KCNQ5: variants seen among roughly 807,000 people sequenced by gnomAD.
KCNQ5 encodes potassium voltage-gated channel subfamily KQT member 5.
Under a neutral mutation model 98.2 loss-of-function variants are expected in KCNQ5, and 30 were observed. That is an observed-to-expected ratio of 0.31 (90% CI 0.23 to 0.41). The LOEUF (loss-of-function observed/expected upper bound fraction) is 0.41. Ranked by LOEUF, KCNQ5 falls within the 10% of genes least tolerant of loss-of-function variation. The pLI is 1.00. For missense variants in KCNQ5, 835 were observed against 1,182.5 expected, an observed-to-expected ratio of 0.71 and a Z score of 4.31; for synonymous variants, 458 against 449.4, an observed-to-expected ratio of 1.02 and a Z score of -0.24.
intron 1 of KCNQ5, among the ~76,000 whole-genome samples, chr6:72,825,603 A>T (rs1385354414): frequency 6.6e-6 from 1 of 152,154 alleles, no homozygotes; most frequent in African/African-American, 2.4e-5. Flanking sequence ...ATGACTTAGA[A>T]TAACAGTTTG....
At chr6:73,070,334 T>C (rs1343138714) in intron 3 of KCNQ5, among the ~76,000 whole-genome samples, 1 of 152,154 alleles carries the variant, frequency 6.6e-6, no homozygotes, top group Non-Finnish European at 1.5e-5. Context: ...TTTATTTAGA[T>C]GGTATTGGGA....
intron 1 of KCNQ5, among the ~76,000 whole-genome samples, chr6:72,911,501 A>G (rs1389625217): frequency 6.6e-6 from 1 of 152,120 alleles, no homozygotes; most frequent in Non-Finnish European, 1.5e-5. Flanking sequence ...GCAAGCCACC[A>G]GTTTATGGTG....
At chr6:73,101,239 A>C (rs1406895394) in intron 5 of KCNQ5, among the ~76,000 whole-genome samples, 7 of 152,256 alleles carry the variant, frequency 4.6e-5, no homozygotes, top group African/African-American at 1.7e-4. Flanking sequence ...AAAATCCTTG[A>C]CAAAATACTA....
At position 72,816,733 on chromosome 6, in the gene KCNQ5, C is replaced by A. The variant is rs943035197; in HGVS notation, c.399-187175C>A. Among the ~76,000 whole-genome samples, 4 of 152,182 alleles carry A rather than the reference C, an allele frequency of 2.6e-5. No homozygotes were observed. In the East Asian group the frequency reaches 5.8e-4, roughly 22 times the overall value. ...ATTTTGTAATCCAGTCATGTGGTCA[C>A]CCATGGATGTGGCCTGTCTTCCCAA... On this transcript the variant is annotated intron_variant, in intron 1 of 13. Transcript: ENST00000370398.
At chr6:72,753,471 G>A (rs1771787849) in intron 1 of KCNQ5, among the ~76,000 whole-genome samples, 1 of 152,004 alleles carries the variant, frequency 6.6e-6, no homozygotes, top group Non-Finnish European at 1.5e-5. Context: ...AGGAGTCCTT[G>A]ATTGTATAGT....
chr6:72,768,927 A>C (rs899356978), intron 1 of KCNQ5, among the ~76,000 whole-genome samples: 1 of 152,104 alleles, frequency 6.6e-6, no homozygotes, highest in African/African-American at 2.4e-5. Context: ...AATTGGAGCT[A>C]TCTGTAAGGC....
intron 3 of KCNQ5, among the ~76,000 whole-genome samples, chr6:73,066,391 C>T (rs1434533593): frequency 1.3e-5 from 2 of 152,110 alleles, no homozygotes; most frequent in Non-Finnish European, 2.9e-5. Context: ...TTAACATCAG[C>T]CTACCCCAGG....
At chr6:72,665,966 T>A (rs1250157492) in intron 1 of KCNQ5, among the ~76,000 whole-genome samples, 1 of 152,222 alleles carries the variant, frequency 6.6e-6, no homozygotes, top group Non-Finnish European at 1.5e-5. Context: ...CCCACCTTAC[T>A]CACTACTCTT....
chr6:73,105,217 C>A, intron 5 of KCNQ5, 40 bp from the exon 6 acceptor site: 1 of 1,205,996 alleles, frequency 8.3e-7, no homozygotes, highest in Non-Finnish European at 1.2e-6. Context: ...ACTTTCCTCT[C>A]AAGTACTTAA....
At chr6:73,092,806 G>A (rs1036119353) in intron 5 of KCNQ5, among the ~76,000 whole-genome samples, 2 of 152,004 alleles carry the variant, frequency 1.3e-5, no homozygotes, top group African/African-American at 4.8e-5. Context: ...TGTTAGATTC[G>A]GTTAGCTAGT....
chr6:72,861,249 G>A (rs529616982), intron 1 of KCNQ5, among the ~76,000 whole-genome samples: 28 of 152,286 alleles, frequency 1.8e-4, no homozygotes, highest in Non-Finnish European at 3.8e-4. Flanking sequence ...ACAGGTGGTT[G>A]TAACTATGCA....
Position 73,195,507 on chromosome 6 carries a change from C to G in KCNQ5, c.*93C>G. The G allele has an allele frequency of 6.9e-7, 1 of 1,457,768 alleles. No individual in the cohort carries two copies. Among genetic ancestry groups the G allele is most frequent in the Non-Finnish European group, 9.2e-7 (1 of 1,086,136 alleles). The allele number at this position is 1,457,768 out of a possible 1,614,324, so 90.3% of individuals were successfully genotyped here. ...AAGCCCTTCTAAAAAGTTGAAATTG[C>G]AAGAATCGGGAAGAACATGAAAGGC... On this transcript the variant is annotated 3_prime_UTR_variant, in exon 14 of 14. Transcript: ENST00000370398.
intron 1 of KCNQ5, among the ~76,000 whole-genome samples, chr6:72,782,790 T>C (rs1773555608): frequency 6.6e-6 from 1 of 152,182 alleles, no homozygotes; most frequent in South Asian, 2.1e-4. Flanking sequence ...ATGTATTCAT[T>C]GTCCTCTTGT....
chr6:72,773,456 G>A (rs1478766137), intron 1 of KCNQ5, among the ~76,000 whole-genome samples: 1 of 152,100 alleles, frequency 6.6e-6, no homozygotes, highest in African/African-American at 2.4e-5. Flanking sequence ...CTGTCAGGGG[G>A]TGGGAAGCTA....
intron 1 of KCNQ5, among the ~76,000 whole-genome samples, chr6:72,913,081 C>T (rs1034144066): frequency 1.3e-5 from 2 of 152,046 alleles, no homozygotes; most frequent in Admixed American, 6.6e-5. Context: ...ATGGTGCATA[C>T]TTCTGCATTC....
At chr6:73,084,654 T>C (rs1773909668) in intron 5 of KCNQ5, among the ~76,000 whole-genome samples, 1 of 152,160 alleles carries the variant, frequency 6.6e-6, no homozygotes, top group South Asian at 2.1e-4. Context: ...CCCAATTCAA[T>C]TGTGAAGTCT....
intron 1 of KCNQ5, among the ~76,000 whole-genome samples, chr6:72,848,426 G>C (rs1777107131): frequency 6.6e-6 from 1 of 152,060 alleles, no homozygotes; most frequent in African/African-American, 2.4e-5. Context: ...CGCATGACAA[G>C]AATGTAACAT....
At chr6:72,804,710 C>G (rs1326391385) in intron 1 of KCNQ5, among the ~76,000 whole-genome samples, 1 of 152,132 alleles carries the variant, frequency 6.6e-6, no homozygotes, top group Non-Finnish European at 1.5e-5. Context: ...TATGGTAGCT[C>G]TATTTGTAGT....
At chr6:73,100,655 T>G (rs1774734526) in intron 5 of KCNQ5, among the ~76,000 whole-genome samples, 1 of 147,304 alleles carries the variant, frequency 6.8e-6, no homozygotes, top group South Asian at 2.1e-4. Context: ...GGCAACAGAG[T>G]GAGACTCTGT....
Sources: allele counts gnomAD v4.1 joint callset (sites outside exome capture counted in the v4.1 genomes callset), GRCh38; gene constraint gnomAD v4.1.1; transcripts MANE v1.5; gene names NCBI Gene and HGNC (gene_info 2026-07-23, HGNC 2026-07-21).